Variants in NEK10 observed in about 807,000 individuals in gnomAD.
NEK10 encodes the protein NIMA related kinase 10, also known as serine/threonine-protein kinase Nek10.
Under a neutral mutation model 159.8 loss-of-function variants are expected in NEK10, and 122 were observed. That is an observed-to-expected ratio of 0.76 (90% CI 0.66 to 0.89). The LOEUF is 0.89. Ranked by LOEUF, NEK10 falls within the 40% of genes least tolerant of loss-of-function variation. NEK10 has a pLI of 0.00. For missense variants in NEK10, 1,342 were observed against 1,323.1 expected (o/e 1.01, Z -0.22); for synonymous variants, 466 against 457.1 (o/e 1.02, Z -0.25).
At chr3:27,111,608 T>G (rs1939551535) in intron 35 of NEK10, among the ~76,000 whole-genome samples, 1 of 152,212 alleles carries the variant, frequency 6.6e-6, no homozygotes, top group African/African-American at 2.4e-5. Context: ...CCTGTGTAGG[T>G]TAAAATAACT....
chr3:27,117,294 G>A (rs934510441), intron 33 of NEK10, among the ~76,000 whole-genome samples: 1 of 152,200 alleles, frequency 6.6e-6, no homozygotes, highest in Non-Finnish European at 1.5e-5. Context: ...ACATATGTGT[G>A]CATGTATCTT....
Position 27,202,571 on chromosome 3 carries a change from A to G in NEK10, c.2091-14T>C. 1 of 1,592,904 alleles carries G rather than the reference A, an allele frequency of 6.3e-7. No individual in the cohort carries two copies. Among genetic ancestry groups the G allele is most frequent in the Non-Finnish European group, 8.6e-7 (1 of 1,167,500 alleles). On this transcript the variant is annotated splice_polypyrimidine_tract_variant and intron_variant, in intron 23 of 35. Coordinates refer to ENST00000691995, the MANE Select transcript of NEK10 (RefSeq NM_001394966.1). ...AGTACCTCGGGGCTGAAGTAAAATA[A>G]GGACATTAATACATGCTAAGGAAGG...
chr3:27,341,134 G>GA (rs1353599999), intron 5 of NEK10, among the ~76,000 whole-genome samples: 1 of 151,996 alleles, frequency 6.6e-6, no homozygotes, highest in Non-Finnish European at 1.5e-5. Flanking sequence ...CTCATACATG[G>GA]GAGCTTAAAA....
At chr3:27,273,251 C>T (rs976530308) in intron 22 of NEK10, among the ~76,000 whole-genome samples, 5 of 152,132 alleles carry the variant, frequency 3.3e-5, no homozygotes, top group African/African-American at 1.2e-4. Context: ...ATTAAAATGT[C>T]CCCTCCAACA....
intron 26 of NEK10, among the ~76,000 whole-genome samples, chr3:27,175,292 T>G (rs1437349106): frequency 6.6e-6 from 1 of 151,716 alleles, no homozygotes; most frequent in Non-Finnish European, 1.5e-5. Flanking sequence ...AGAGGCAAGG[T>G]TTTCCAAAAA....
intron 22 of NEK10, among the ~76,000 whole-genome samples, chr3:27,263,882 C>T (rs1268334682): frequency 6.6e-6 from 1 of 152,208 alleles, no homozygotes; most frequent in African/African-American, 2.4e-5. Flanking sequence ...GTTGGAAATG[C>T]AGAAGTCACC....
At chr3:27,213,203 T>C (rs1457558103) in intron 23 of NEK10, among the ~76,000 whole-genome samples, 1 of 152,222 alleles carries the variant, frequency 6.6e-6, no homozygotes, top group African/African-American at 2.4e-5. Context: ...ATTCTTTCCT[T>C]GCTTTGTGCG....
intron 26 of NEK10, among the ~76,000 whole-genome samples, chr3:27,177,325 C>T (rs1211563853): frequency 6.6e-6 from 1 of 152,004 alleles, no homozygotes; most frequent in East Asian, 1.9e-4. Context: ...AGGTGGATCA[C>T]GAGGTCAGGA....
intron 23 of NEK10, among the ~76,000 whole-genome samples, chr3:27,228,625 G>A (rs999840652): frequency 1.3e-5 from 2 of 152,130 alleles, no homozygotes; most frequent in East Asian, 3.9e-4. Context: ...TTTCAGATGA[G>A]AAAATGGAGG....
At chr3:27,340,792 G>A (rs1473780696) in intron 5 of NEK10, among the ~76,000 whole-genome samples, 1 of 152,062 alleles carries the variant, frequency 6.6e-6, no homozygotes, top group Non-Finnish European at 1.5e-5. Context: ...ACCTTATGAC[G>A]ATTTCTCAAA....
intron 5 of NEK10, among the ~76,000 whole-genome samples, chr3:27,327,934 T>TA (rs34833708): frequency 0.052 from 7,599 of 146,992 alleles, 372 homozygotes; most frequent in African/African-American, 0.13. Flanking sequence ...ATGCAAAACT[T>TA]AAAAAAAAAA....
chr3:27,130,957 T>C (rs1361071844), intron 32 of NEK10, among the ~76,000 whole-genome samples: 1 of 152,118 alleles, frequency 6.6e-6, no homozygotes, highest in African/African-American at 2.4e-5. Flanking sequence ...CCCCCATCTG[T>C]TTTTGGTGTA....
chr3:27,296,388 A>C (rs1460927255), intron 14 of NEK10, among the ~76,000 whole-genome samples: 1 of 152,204 alleles, frequency 6.6e-6, no homozygotes, highest in Non-Finnish European at 1.5e-5. Flanking sequence ...CAAGCCAAGA[A>C]GTAATAATTC....
At chr3:27,357,888 G>C (rs1356062034) in intron 1 of NEK10, among the ~76,000 whole-genome samples, 1 of 152,118 alleles carries the variant, frequency 6.6e-6, no homozygotes, top group Non-Finnish European at 1.5e-5. Context: ...GCTGGGAAAG[G>C]AGAACTGTGG....
intron 23 of NEK10, among the ~76,000 whole-genome samples, chr3:27,216,996 A>G (rs1346385324): frequency 6.6e-6 from 1 of 152,234 alleles, no homozygotes; most frequent in African/African-American, 2.4e-5. Flanking sequence ...TAAAGAGAAA[A>G]AACCAAAAAC....
At position 27,213,239 on chromosome 3, in the gene NEK10, G is replaced by A. The variant is rs138967000; in HGVS notation, c.2091-10682C>T. On this transcript the variant is annotated intron_variant, in intron 23 of 35. Coordinates refer to ENST00000691995, the MANE Select transcript of NEK10 (RefSeq NM_001394966.1). ...TTCTGTCCAATTCTTTGTTCAAGAT[G>A]CCAAGAACCTGGACTCCCTCCACTG... is the stretch of plus-strand genomic sequence containing the variant. Among the ~76,000 whole-genome samples the A allele has an allele frequency of 1.6e-3, 237 of 152,240 alleles. 2 individuals are homozygous for A. The highest frequency in any genetic ancestry group is 5.6e-3 in the African/African-American group (231 of 41,534).
intron 26 of NEK10, among the ~76,000 whole-genome samples, chr3:27,179,064 A>C (rs1238481409): frequency 6.6e-6 from 1 of 152,188 alleles, no homozygotes; most frequent in Admixed American, 6.5e-5. Context: ...CACTGTGTCC[A>C]GCTTTCCCAA....
chr3:27,297,297 C>T (rs1447196359), intron 13 of NEK10, 57 bp from the exon 14 acceptor site: 2 of 1,114,028 alleles, frequency 1.8e-6, no homozygotes, highest in East Asian at 2.4e-5. Context: ...TATACTATCA[C>T]ATAAATACTC....
intron 22 of NEK10, among the ~76,000 whole-genome samples, chr3:27,265,097 G>A (rs910163692): frequency 6.6e-6 from 1 of 152,024 alleles, no homozygotes; most frequent in African/African-American, 2.4e-5. Flanking sequence ...ACCTGATAAA[G>A]AGCATCTACC....
Sources: gnomAD v4.1 joint callset for allele counts (sites outside exome capture counted in the v4.1 genomes callset) on GRCh38, gnomAD v4.1.1 for gene constraint, MANE v1.5 for transcripts, NCBI Gene and HGNC (gene_info 2026-07-23, HGNC 2026-07-21) for gene names.